The following TANC1 variants were observed in gnomAD, a reference collection of about 807,000 sequenced individuals.
TANC1 encodes tetratricopeptide repeat, ankyrin repeat and coiled-coil containing 1, also known as protein TANC1.
In TANC1, 77 loss-of-function variants were observed where a neutral mutation model predicts 149.7. That is an observed-to-expected ratio of 0.51 (90% CI 0.43 to 0.62). The LOEUF (loss-of-function observed/expected upper bound fraction) is 0.62. TANC1 is among the 20% of genes least tolerant of loss of function. The probability of loss-of-function intolerance (pLI) is 0.00; values close to 1 mark genes in which losing one functional copy is unlikely to be tolerated. For missense variants in TANC1, 1,985 were observed against 2,321.8 expected (o/e 0.85, Z 2.98); for synonymous variants, 854 against 925.0 (o/e 0.92, Z 1.39).
In TANC1 at chr2:159,230,645, C is replaced by T; in HGVS notation, c.5219C>T (p.Pro1740Leu). The T allele has an allele frequency of 1.9e-6, 3 of 1,614,138 alleles. No homozygotes were observed. The highest frequency in any genetic ancestry group is 2.5e-6 in the Non-Finnish European group (3 of 1,180,040). Residue 1740 changes from proline to leucine, a missense_variant, in exon 27 of 27, where the codon CCA becomes CTA. By Grantham distance (98) the Pro-to-Leu change is moderately conservative (BLOSUM62 -3). Transcript: ENST00000263635. The surrounding 1 kb of genome is among the most constrained non-coding windows in gnomAD (Gnocchi z 4.4). Reference protein sequence around the residue: ...TARFQQQSNPPSRSWHCPAPE... With the variant: ...TARFQQQSNPLSRSWHCPAPE... ...AGGTTCCAACAGCAGAGCAATCCTC[C>T]AAGCCGCAGCTGGCACTGTCCGGCA... is the stretch of plus-strand genomic sequence containing the variant.
intron 2 of TANC1, among the ~76,000 whole-genome samples, chr2:159,054,850 T>TA (rs1165036953): frequency 1.3e-5 from 2 of 152,194 alleles, no homozygotes; most frequent in Non-Finnish European, 2.9e-5. Context: ...TACAGTGGTC[T>TA]TAGGAACAAG....
chr2:159,042,021 T>C (rs1408506023), intron 2 of TANC1, among the ~76,000 whole-genome samples: 1 of 152,154 alleles, frequency 6.6e-6, no homozygotes, highest in Non-Finnish European at 1.5e-5. Context: ...TGTGCTTGGC[T>C]CAAATGAGAT....
intron 5 of TANC1, 21 bp from the exon 6 acceptor site, chr2:159,149,121 T>C: frequency 6.4e-7 from 1 of 1,559,770 alleles, no homozygotes; most frequent in South Asian, 1.2e-5. Flanking sequence ...GCATCTTCAT[T>C]GTTTTCTTTC....
intron 24 of TANC1, 167 bp from the exon 25 acceptor site, chr2:159,227,652 A>T: frequency 1.5e-6 from 1 of 680,068 alleles, no homozygotes; most frequent in Non-Finnish European, 2.5e-6. Context: ...CTCATGTGCC[A>T]GCCCAGTTAG....
chr2:159,026,139 C>G (rs2039321582), intron 2 of TANC1, among the ~76,000 whole-genome samples: 1 of 152,150 alleles, frequency 6.6e-6, no homozygotes, highest in African/African-American at 2.4e-5. Context: ...GCTGTTGTTG[C>G]CCAGCATGGT....
At chr2:159,155,132 T>G (rs1307846722) in intron 7 of TANC1, among the ~76,000 whole-genome samples, 4 of 152,270 alleles carry the variant, frequency 2.6e-5, no homozygotes, top group African/African-American at 4.8e-5. Context: ...TGCTTTGAGA[T>G]AAATTTAATT....
At chr2:159,088,594 C>G (rs264621) in intron 3 of TANC1, among the ~76,000 whole-genome samples, 6,165 of 152,264 alleles carry the variant, frequency 0.04, 283 homozygotes, top group East Asian at 0.15. Flanking sequence ...CTTGTCCAAC[C>G]CACGGCCTGT....
At chr2:159,176,215 C>A in intron 12 of TANC1, 137 bp from the exon 13 acceptor site, 1 of 506,724 alleles carries the variant, frequency 2.0e-6, no homozygotes, top group Non-Finnish European at 3.4e-6. Flanking sequence ...AAATATGCTT[C>A]TGTGAAAACT....
intron 2 of TANC1, among the ~76,000 whole-genome samples, chr2:159,038,991 T>G (rs1051394998): frequency 2.6e-5 from 4 of 152,250 alleles, no homozygotes. Context: ...GGACTTTTTT[T>G]GATTGGTAGG....
chr2:159,066,002 T>C (rs1324102892), intron 3 of TANC1, 31 bp downstream of exon 3: 5 of 1,567,834 alleles, frequency 3.2e-6, no homozygotes, highest in Non-Finnish European at 3.5e-6. Context: ...AGCTCAGCCA[T>C]GGACAGCGGG....
At chr2:159,038,256 G>A (rs1178888093) in intron 2 of TANC1, among the ~76,000 whole-genome samples, 1 of 152,186 alleles carries the variant, frequency 6.6e-6, no homozygotes, top group Non-Finnish European at 1.5e-5. Context: ...ATTTTGGGCT[G>A]AGACGATGGG....
intron 4 of TANC1, among the ~76,000 whole-genome samples, chr2:159,107,311 G>C (rs1221848194): frequency 1.3e-5 from 2 of 152,222 alleles, no homozygotes; most frequent in East Asian, 3.8e-4. Context: ...ACAGGCGTGA[G>C]CCACCATGCC....
At chr2:159,143,769 CTATT>C (rs1229162822) in intron 5 of TANC1, among the ~76,000 whole-genome samples, 6 of 152,022 alleles carry the variant, frequency 3.9e-5, no homozygotes, top group Non-Finnish European at 2.9e-5. Context: ...CAGCTGTCCT[CTATT>C]TAATTGCACA....
chr2:159,168,207 C>T (rs1174804774), intron 8 of TANC1, among the ~76,000 whole-genome samples: 1 of 151,860 alleles, frequency 6.6e-6, no homozygotes, highest in Non-Finnish European at 1.5e-5. Flanking sequence ...GTACTATGTA[C>T]TTGCTTCTAA....
At chr2:159,008,184 A>G (rs1011447228) in intron 2 of TANC1, among the ~76,000 whole-genome samples, 1 of 152,234 alleles carries the variant, frequency 6.6e-6, no homozygotes, top group African/African-American at 2.4e-5. Flanking sequence ...GCTGTGATTA[A>G]TATCTGTTAT....
At chr2:159,204,361 A>G (rs1427610079) in intron 19 of TANC1, among the ~76,000 whole-genome samples, 1 of 152,244 alleles carries the variant, frequency 6.6e-6, no homozygotes, top group Non-Finnish European at 1.5e-5. Context: ...TTGGACTCCA[A>G]GATGGCTCAG....
intron 4 of TANC1, among the ~76,000 whole-genome samples, chr2:159,112,981 T>C (rs1371453294): frequency 6.6e-6 from 1 of 152,128 alleles, no homozygotes; most frequent in African/African-American, 2.4e-5. Flanking sequence ...GGTCTTGCTG[T>C]GTCACCCAGG....
chr2:159,101,776 T>A, intron 4 of TANC1, among the ~76,000 whole-genome samples: 1 of 152,206 alleles, frequency 6.6e-6, no homozygotes, highest in Non-Finnish European at 1.5e-5. Flanking sequence ...TCTGCATTTA[T>A]TTTCCCAGAT....
intron 4 of TANC1, among the ~76,000 whole-genome samples, chr2:159,112,225 G>GT (rs1394910982): frequency 1.2e-4 from 18 of 151,956 alleles, no homozygotes; most frequent in African/African-American, 4.1e-4. Context: ...AGTTTTTTGG[G>GT]TTTTTTTGTT....
Sources: allele counts gnomAD v4.1 joint callset (sites outside exome capture counted in the v4.1 genomes callset), GRCh38; gene constraint gnomAD v4.1.1; non-coding constraint Gnocchi (gnomAD v3.1); transcripts MANE v1.5; gene names NCBI Gene and HGNC (gene_info 2026-07-23, HGNC 2026-07-21).